DNAH3: variants seen among roughly 807,000 people sequenced by gnomAD.
DNAH3 encodes the protein dynein axonemal heavy chain 3.
DNAH3 carries 332 observed loss-of-function variants against 432.5 expected under a neutral mutation model. The observed-to-expected ratio is 0.77, with a 90% CI of 0.70 to 0.84. The LOEUF (loss-of-function observed/expected upper bound fraction) is 0.84, where lower values mean the gene tolerates loss of function less well. DNAH3 is among the 40% of genes least tolerant of loss of function. The pLI is 0.00. For synonymous variants in DNAH3, 1,956 were observed against 1,900.2 expected, an observed-to-expected ratio of 1.03 and a Z score of -0.76; for missense variants, 4,861 against 5,114.0, an observed-to-expected ratio of 0.95 and a Z score of 1.51.
At chr16:21,008,133 T>C (rs2087406608) in intron 41 of DNAH3, among the ~76,000 whole-genome samples, 1 of 152,214 alleles carries the variant, frequency 6.6e-6, no homozygotes, top group Admixed American at 6.5e-5. Context: ...ATTACAAAAT[T>C]CTTTCAACAG....
rs2092909621 is a variant in DNAH3 at position 21,157,866 on chromosome 16, T to TG, written c.117+1458dup. 2.1e-5 allele frequency among the ~76,000 whole-genome samples: 3 copies of TG among 142,666 alleles called. No homozygotes were observed. In the Admixed American group the frequency reaches 2.2e-4, roughly 10 times the overall value. 93.6% of individuals were successfully genotyped at this position (142,666 alleles called of 152,430 possible). A position where few individuals can be genotyped will look rare whatever the true frequency, so the allele number is the denominator to read the frequency against. On this transcript the variant is annotated intron_variant, in intron 1 of 61. Transcript: ENST00000261383. ...AGCAGTGGTTCTCACCTCGGGACGA[T>TG]GGGGCCTTCCAGGGGACATTTGGCA... is the stretch of plus-strand genomic sequence containing the variant.
At chr16:20,947,849 T>A (rs930604517) in intron 57 of DNAH3, among the ~76,000 whole-genome samples, 2 of 152,124 alleles carry the variant, frequency 1.3e-5, no homozygotes, top group Non-Finnish European at 2.9e-5. Flanking sequence ...TGGTCTCAGC[T>A]CACCACAACC....
intron 32 of DNAH3, 84 bp from the exon 33 acceptor site, chr16:21,040,027 G>C: frequency 1.9e-5 from 22 of 1,155,504 alleles, no homozygotes; most frequent in Middle Eastern, 2.0e-4. Context: ...AAGGGAAGTA[G>C]CTTTGCTTCA....
At chr16:21,108,035 G>A (rs1040510726) in intron 14 of DNAH3, among the ~76,000 whole-genome samples, 2 of 151,782 alleles carry the variant, frequency 1.3e-5, no homozygotes, top group East Asian at 1.9e-4. Context: ...CACCACACCC[G>A]GCTAATTTTT....
At chr16:21,095,914 A>G (rs1010382109) in intron 18 of DNAH3, among the ~76,000 whole-genome samples, 1 of 151,992 alleles carries the variant, frequency 6.6e-6, no homozygotes, top group South Asian at 2.1e-4. Flanking sequence ...ATAGGTGCAC[A>G]CCACCATGCC....
chr16:20,973,791 C>A (rs746403512), intron 51 of DNAH3, among the ~76,000 whole-genome samples: 1 of 152,160 alleles, frequency 6.6e-6, no homozygotes, highest in Non-Finnish European at 1.5e-5. Flanking sequence ...ATTTATTCCA[C>A]GCCTACAACA....
At chr16:21,121,824 C>A (rs1013834647) in intron 10 of DNAH3, 121 bp downstream of exon 11, 12 of 739,044 alleles carry the variant, frequency 1.6e-5, no homozygotes, top group Admixed American at 1.2e-4. Flanking sequence ...CAGGATATAT[C>A]TCCAAAGTGA....
chr16:21,067,776 G>GGA (rs60889532), intron 23 of DNAH3, among the ~76,000 whole-genome samples: 2,180 of 40,876 alleles, frequency 0.053, 318 homozygotes, highest in African/African-American at 0.24. Context: ...GGGTGGGGAG[G>GGA]GAGAGAGAGA....
chr16:20,944,882 T>C (rs1405689524), intron 57 of DNAH3, among the ~76,000 whole-genome samples: 1 of 152,042 alleles, frequency 6.6e-6, no homozygotes, highest in Non-Finnish European at 1.5e-5. Context: ...CTGAATTACC[T>C]CTCGCCCACC....
chr16:20,949,369 A>G (rs966825620), intron 56 of DNAH3, among the ~76,000 whole-genome samples: 2 of 127,290 alleles, frequency 1.6e-5, no homozygotes, highest in East Asian at 5.6e-4. Flanking sequence ...AAACAGAAAC[A>G]AAAAAAAAGA....
At chr16:21,016,621 CAT>C (rs916083669) in intron 41 of DNAH3, among the ~76,000 whole-genome samples, 2 of 152,126 alleles carry the variant, frequency 1.3e-5, no homozygotes, top group Non-Finnish European at 2.9e-5. Context: ...AAAAATTAAA[CAT>C]AGCATTAACA....
exon 7 of DNAH3, chr16:21,134,314 G>A: frequency 1.9e-6 from 3 of 1,614,092 alleles, no homozygotes; most frequent in Non-Finnish European, 2.5e-6. Context: ...GTGTGCAGAT[G>A]CTCCTCGTTC....
chr16:21,079,405 C>T (rs1235891848), intron 20 of DNAH3, among the ~76,000 whole-genome samples: 2 of 152,144 alleles, frequency 1.3e-5, no homozygotes, highest in African/African-American at 4.8e-5. Context: ...AGATGGATCA[C>T]CTGAGGTCAG....
At chr16:20,963,448 A>C in exon 53 of DNAH3, 1 of 1,614,156 alleles carries the variant, frequency 6.2e-7, no homozygotes, top group Non-Finnish European at 8.5e-7. Flanking sequence ...GTCAGGCCGC[A>C]AACATCGAAG....
At chr16:20,975,971 C>G (rs1597021744) in intron 50 of DNAH3, among the ~76,000 whole-genome samples, 1 of 152,186 alleles carries the variant, frequency 6.6e-6, no homozygotes, top group African/African-American at 2.4e-5. Flanking sequence ...TCTAGAACTC[C>G]TGACCTCAGG....
chr16:20,979,512 C>T lies in DNAH3; in HGVS notation c.7894G>A (p.Val2632Ile), dbSNP rs149187610. 25 of 1,614,092 alleles carry T rather than the reference C, an allele frequency of 1.5e-5. No homozygotes were observed. Among genetic ancestry groups the T allele is most frequent in the African/African-American group, 1.1e-4 (8 of 74,998 alleles). Residue 2632 changes from valine to isoleucine, a missense_variant, in exon 50 of 62, where the codon GTC becomes ATC. Coordinates refer to ENST00000261383, the Ensembl canonical transcript of DNAH3. ...TAATAATCGAGTGACAGCTTCTTGA[C>T]GCTCTCTTGGAAATATTTGCACATG... is the stretch of plus-strand genomic sequence containing the variant.
At chr16:21,039,748 A>G in intron 33 of DNAH3, 104 bp downstream of exon 33, 1 of 904,488 alleles carries the variant, frequency 1.1e-6, no homozygotes, top group Non-Finnish European at 1.9e-6. Flanking sequence ...AAGTTTCTCA[A>G]GCTTCTCTCT....
At chr16:21,141,314 T>C in exon 4 of DNAH3, 1 of 1,589,346 alleles carries the variant, frequency 6.3e-7, no homozygotes. Flanking sequence ...TGGAATCCTC[T>C]TTGTTTCTGG....
At chr16:21,126,836 C>T (rs532357095) in intron 8 of DNAH3, among the ~76,000 whole-genome samples, 26 of 151,848 alleles carry the variant, frequency 1.7e-4, no homozygotes, top group Admixed American at 1.4e-3. Context: ...ACTGCACATG[C>T]GAGGGATCCA....
Sources: allele counts gnomAD v4.1 joint callset (sites outside exome capture counted in the v4.1 genomes callset), GRCh38; gene constraint gnomAD v4.1.1; transcripts MANE v1.5; gene names NCBI Gene and HGNC (gene_info 2026-07-23, HGNC 2026-07-21).